Variants in TIMM8B observed in about 807,000 individuals in gnomAD.
The protein encoded by TIMM8B is translocase of inner mitochondrial membrane 8 homolog B.
Under a neutral mutation model 8.5 loss-of-function variants are expected in TIMM8B, and 5 were observed. The ratio of observed to expected loss-of-function variants is 0.59; its 90% CI spans 0.31 to 1.24. The LOEUF is 1.24. Among genes scored for constraint, TIMM8B ranks in the 50% most tolerant of loss-of-function variants. The pLI is 0.07. For missense variants in TIMM8B, 104 were observed against 109.2 expected (o/e 0.95, Z 0.21); for synonymous variants, 44 against 39.9 (o/e 1.10, Z -0.39).
Position 112,085,371 on chromosome 11 carries a change from C to G in TIMM8B, c.176G>C (p.Cys59Ser), listed in dbSNP as rs756653309. ...AGTGGTGTCAATGAAGCGGTCTACA[C>G]AGCTGGAGAGACAATTTTCAGTGCG... is the stretch of plus-strand genomic sequence containing the variant. ...DSRTENCLSSCVDRFIDTTLA... is the reference protein window; with the variant it reads ...DSRTENCLSSSVDRFIDTTLA... Residue 59 changes from cysteine to serine, a missense_variant, in exon 2 of 2, where the codon TGT becomes TCT. Coordinates refer to ENST00000504148, the MANE Select transcript of TIMM8B (RefSeq NM_012459.4). 5.0e-5 allele frequency: 81 copies of G among 1,613,794 alleles called. No homozygotes were observed. The highest frequency in any genetic ancestry group is 6.9e-5 in the Non-Finnish European group (81 of 1,180,044).
Position 112,085,413 on chromosome 11 carries a change from C to T in TIMM8B, c.134G>A (p.Gly45Glu), listed in dbSNP as rs1207847714. 7 of 1,613,998 alleles carry T rather than the reference C, an allele frequency of 4.3e-6. No homozygotes were observed. Among genetic ancestry groups the T allele is most frequent in the Non-Finnish European group, 5.9e-6 (7 of 1,179,950 alleles). The part of the protein sequence containing the change: ...LCWDKCVEKP[G>E]NRLDSRTENC... Reference sequence around the variant, plus strand: ...TTCAGTGCGAGAGTCTAGGCGATTCCCTGGCTTCTCCACACATTTATCCCA... The same window carrying T: ...TTCAGTGCGAGAGTCTAGGCGATTCTCTGGCTTCTCCACACATTTATCCCA... The change falls in exon 2 of 2, where the codon GGG becomes GAG. Residue 45 changes from glycine (G) to glutamate (E), a missense_variant. Physicochemically the swap from Gly to Glu is moderately conservative, Grantham distance 98 (BLOSUM62 -2). Coordinates refer to ENST00000504148, the MANE Select transcript of TIMM8B (RefSeq NM_012459.4).
intron 1 of TIMM8B, chr11:112,086,088 A>G: frequency 8.3e-7 from 1 of 1,207,028 alleles, no homozygotes; most frequent in Non-Finnish European, 1.1e-6. Context: ...TCATGTAGCC[A>G]GCAAGAAGTC....
intron 1 of TIMM8B, chr11:112,086,137 T>C (rs780643236): frequency 1.2e-4 from 113 of 921,966 alleles, no homozygotes; most frequent in Non-Finnish European, 1.6e-4. Context: ...CTCCAAACCC[T>C]TGTTCTACAT....
chr11:112,086,321 C>T (rs1865596415), intron 1 of TIMM8B: 1 of 548,810 alleles, frequency 1.8e-6, no homozygotes, highest in Non-Finnish European at 3.4e-6. Context: ...CTGCAAGGAG[C>T]AGAGGGAGGA....
chr11:112,085,543 C>G, intron 1 of TIMM8B, 81 bp from the exon 2 acceptor site: 2 of 1,172,564 alleles, frequency 1.7e-6, no homozygotes, highest in South Asian at 1.6e-5. Flanking sequence ...CTTTTTGACA[C>G]CTGACAAAAC....
rs1302406191 is a variant in TIMM8B at position 112,086,643 on chromosome 11, T to G, written c.81A>C (p.Ala27=). 2 of 1,597,726 alleles carry G rather than the reference T, an allele frequency of 1.3e-6. No individual in the cohort carries two copies. Among genetic ancestry groups the G allele is most frequent in the Non-Finnish European group, 1.7e-6 (2 of 1,177,334 alleles). Residue 27 remains alanine, a synonymous_variant, in exon 1 of 2, where the codon GCA becomes GCC. Transcript: ENST00000504148. ...AAEQQKAQFT[A]QVHHFMELCW... ...TTCACCCTCCCCGTCCCCGCACCTG[T>G]GCAGTAAACTGCGCCTTCTGCTGCT... is the stretch of plus-strand genomic sequence containing the variant.
chr11:112,086,571 C>A (rs1865604039), intron 1 of TIMM8B, 69 bp downstream of exon 1: 5 of 1,493,626 alleles, frequency 3.3e-6, no homozygotes, highest in Non-Finnish European at 4.4e-6. Context: ...GTGTACAGAC[C>A]TCCGAGCGTG....
At chr11:112,085,564 A>G in intron 1 of TIMM8B, 102 bp from the exon 2 acceptor site, 1 of 978,412 alleles carries the variant, frequency 1.0e-6, no homozygotes, top group Non-Finnish European at 1.5e-6. Flanking sequence ...CATTCTTTAA[A>G]TCAACCACGG....
Position 112,086,203 on chromosome 11 carries a change from G to A in TIMM8B, c.84+437C>T, listed in dbSNP as rs577263524. The A allele has an allele frequency of 4.2e-5, 22 of 529,930 alleles. No individual in the cohort carries two copies. The East Asian group carries it at 8.1e-4, about 20-fold the overall frequency. The allele number at this position is 529,930 out of a possible 1,614,324, so 32.8% of individuals were successfully genotyped here. On this transcript the variant is annotated intron_variant, in intron 1 of 1. Coordinates refer to ENST00000504148, the MANE Select transcript of TIMM8B (RefSeq NM_012459.4). ...ACCTTCCTCCGATAATGTTCTAGTC[G>A]TTTTCAAATACATTGTCGCATATGA... is the stretch of plus-strand genomic sequence containing the variant.
At position 112,085,924 on chromosome 11, in the gene TIMM8B, G is replaced by A. The variant is rs1011825806; in HGVS notation, c.85-462C>T. ...TAGCCAGGGTTCTTGCTGGTCATCC[G>A]AGCACCCTCTTCCTCCCACCCAAAA... On this transcript the variant is annotated intron_variant, in intron 1 of 1. Coordinates refer to ENST00000504148, the MANE Select transcript of TIMM8B (RefSeq NM_012459.4). The A allele has an allele frequency of 5.4e-5, 46 of 854,696 alleles. No individual in the cohort carries two copies. In the South Asian group the frequency reaches 7.4e-4, roughly 14 times the overall value. The allele number at this position is 854,696 out of a possible 1,614,324, so 52.9% of individuals were successfully genotyped here. A position where few individuals can be genotyped will look rare whatever the true frequency, so the allele number is the denominator to read the frequency against.
At chr11:112,085,886 G>T in intron 1 of TIMM8B, 2 of 472,552 alleles carry the variant, frequency 4.2e-6, no homozygotes, top group Non-Finnish European at 6.0e-6. Context: ...AATGTTCAGG[G>T]CCCAAAGATT....
rs61734353 is a variant in TIMM8B at position 112,086,703 on chromosome 11, G to T, written c.21C>A (p.Ala7=). The part of the protein sequence containing the change: MAELGE[A]DEAELQRLVA... ...CCAGGCGCTGCAACTCCGCTTCATC[G>T]GCTTCGCCCAGCTCCGCCATTGTTC... Residue 7 remains alanine (A), a synonymous_variant, in exon 1 of 2, where the codon GCC becomes GCA. Coordinates refer to ENST00000504148, the MANE Select transcript of TIMM8B (RefSeq NM_012459.4). 4 of 1,602,998 alleles carry T rather than the reference G, an allele frequency of 2.5e-6. No individual in the cohort carries two copies. The highest frequency in any genetic ancestry group is 1.7e-5 in the Admixed American group (1 of 59,374).
chr11:112,086,600 G>A (rs1252267423), intron 1 of TIMM8B, 40 bp downstream of exon 1: 7 of 1,534,676 alleles, frequency 4.6e-6, no homozygotes, highest in Non-Finnish European at 6.1e-6. Flanking sequence ...CACCAAGGAA[G>A]GTGAAACTTC....
At chr11:112,086,015 T>C (rs1865589074) in intron 1 of TIMM8B, 2 of 1,156,792 alleles carry the variant, frequency 1.7e-6, no homozygotes, top group Non-Finnish European at 2.2e-6. Flanking sequence ...CAGTTCTCTC[T>C]AAGGTCCTCA....
chr11:112,086,568 G>A (rs1865603967), intron 1 of TIMM8B, 72 bp downstream of exon 1: 1 of 1,491,520 alleles, frequency 6.7e-7, no homozygotes, highest in South Asian at 1.3e-5. Context: ...CCAGTGTACA[G>A]ACCTCCGAGC....
rs1316972501 is a variant in TIMM8B, at chr11:112,085,341, G to T, written c.206C>A (p.Ala69Asp). 6.2e-7 allele frequency: 1 copy of T among 1,612,860 alleles called. No homozygotes were observed. The highest frequency in any genetic ancestry group is 1.3e-5 in the African/African-American group (1 of 74,874). The change falls in exon 2 of 2, where the codon GCC becomes GAC. Residue 69 changes from alanine (A) to aspartate (D), a missense_variant. Physicochemically the swap from Ala to Asp is moderately radical, Grantham distance 126 (BLOSUM62 -2). Coordinates refer to ENST00000504148, the MANE Select transcript of TIMM8B (RefSeq NM_012459.4). ...AATCTGGGCAAACCGACTGGTGATG[G>T]CAAGAGTGGTGTCAATGAAGCGGTC... ...CVDRFIDTTL[A>D]ITSRFAQIVQ...
chr11:112,085,622 T>C lies in TIMM8B; in HGVS notation c.85-160A>G, dbSNP rs57271915. ...TCTTCATTTCCTAATTAGTCACCAA[T>C]ATTGATCCAGATCCTCGTCCCTACA... On this transcript the variant is annotated intron_variant, in intron 1 of 1. Coordinates refer to ENST00000504148, the MANE Select transcript of TIMM8B (RefSeq NM_012459.4). 9.9e-3 allele frequency among the ~76,000 whole-genome samples: 1,510 copies of C among 152,286 alleles called. 31 individuals are homozygous for C. Among genetic ancestry groups the C allele is most frequent in the African/African-American group, 0.035 (1,450 of 41,560 alleles).
intron 1 of TIMM8B, 82 bp from the exon 2 acceptor site, chr11:112,085,544 C>G (rs1340214647): frequency 2.6e-6 from 3 of 1,173,996 alleles, no homozygotes; most frequent in African/African-American, 1.5e-5. Flanking sequence ...TTTTTGACAC[C>G]TGACAAAACC....
At chr11:112,086,085 G>C in intron 1 of TIMM8B, 3 of 1,207,222 alleles carry the variant, frequency 2.5e-6, no homozygotes, top group Non-Finnish European at 3.2e-6. Flanking sequence ...AGGTCATGTA[G>C]CCAGCAAGAA....
Sources: allele counts gnomAD v4.1 joint callset (sites outside exome capture counted in the v4.1 genomes callset), GRCh38; gene constraint gnomAD v4.1.1; transcripts MANE v1.5; gene names NCBI Gene and HGNC (gene_info 2026-07-23, HGNC 2026-07-21).